TSPAN18: variants seen among roughly 807,000 people sequenced by gnomAD.
TSPAN18 encodes tetraspanin-18.
A neutral mutation model predicts 27.3 loss-of-function variants in TSPAN18; 14 were observed. The ratio of observed to expected loss-of-function variants is 0.51; its 90% CI spans 0.34 to 0.80. The LOEUF is 0.80. TSPAN18 is among the 30% of genes least tolerant of loss of function. The pLI, the probability that TSPAN18 is intolerant of heterozygous loss-of-function variation, is 0.01. For synonymous variants in TSPAN18, 143 were observed against 136.5 expected (o/e 1.05, Z -0.33); for missense variants, 268 against 323.9 (o/e 0.83, Z 1.32).
At chr11:44,732,689 G>A (rs7924623) in intron 1 of TSPAN18, among the ~76,000 whole-genome samples, 8,228 of 152,168 alleles carry the variant, frequency 0.054, 304 homozygotes, top group African/African-American at 0.098. Flanking sequence ...GGGTTAGAGC[G>A]GGGAATGATC....
In TSPAN18 at chr11:44,924,778, G is replaced by T. The variant is rs111799509; in HGVS notation, c.616-1896G>T. Among the ~76,000 whole-genome samples, 819 of 152,218 alleles carry T rather than the reference G, an allele frequency of 5.4e-3. 13 individuals are homozygous for T. Among genetic ancestry groups the T allele is most frequent in the African/African-American group, 0.019 (774 of 41,506 alleles). On this transcript the variant is annotated intron_variant, in intron 8 of 9. Transcript: ENST00000520358. ...GGAGGGGGGAGGGATAGCATTAGGAGATATACCTAATGTAAATGACGAGTT... is the reference window on the plus strand; with the variant it reads ...GGAGGGGGGAGGGATAGCATTAGGATATATACCTAATGTAAATGACGAGTT...
chr11:44,757,375 A>ATTATTTATTTATTTAT (rs35948051), intron 1 of TSPAN18, among the ~76,000 whole-genome samples: 2 of 151,228 alleles, frequency 1.3e-5, no homozygotes, highest in African/African-American at 4.9e-5. Flanking sequence ...CTGAGAAATG[A>ATTATTTATTTATTTAT]TTATTTATTT....
intron 1 of TSPAN18, among the ~76,000 whole-genome samples, chr11:44,761,298 G>T (rs530938343): frequency 6.6e-6 from 1 of 152,108 alleles, no homozygotes; most frequent in South Asian, 2.1e-4. Flanking sequence ...CCCAGGACCC[G>T]TTCCTGCTCT....
chr11:44,815,017 C>T (rs1043920016), intron 2 of TSPAN18, among the ~76,000 whole-genome samples: 2 of 152,232 alleles, frequency 1.3e-5, no homozygotes, highest in African/African-American at 2.4e-5. Flanking sequence ...AAGAGCATTC[C>T]AGGCAGAGGA....
chr11:44,884,333 T>G (rs577136965), intron 3 of TSPAN18, among the ~76,000 whole-genome samples: 100 of 152,310 alleles, frequency 6.6e-4, no homozygotes, highest in South Asian at 2.7e-3. Flanking sequence ...GCACAACCGT[T>G]CCATGTGCCT....
At chr11:44,820,463 G>T (rs1856904033) in intron 2 of TSPAN18, among the ~76,000 whole-genome samples, 1 of 152,206 alleles carries the variant, frequency 6.6e-6, no homozygotes, top group African/African-American at 2.4e-5. Flanking sequence ...AGAGCTTTTT[G>T]CAATAGATGA....
chr11:44,911,546 C>T (rs1383660401), intron 5 of TSPAN18, among the ~76,000 whole-genome samples: 1 of 152,144 alleles, frequency 6.6e-6, no homozygotes, highest in Non-Finnish European at 1.5e-5. Flanking sequence ...TCACGGTGCT[C>T]GCAGAAGTCT....
At chr11:44,868,146 GC>G (rs1421960407) in intron 3 of TSPAN18, among the ~76,000 whole-genome samples, 3 of 152,120 alleles carry the variant, frequency 2.0e-5, no homozygotes, top group African/African-American at 7.2e-5. Context: ...TCATGCAGGA[GC>G]CCTGCCCTGT....
At chr11:44,814,733 A>G (rs1856787420) in intron 2 of TSPAN18, among the ~76,000 whole-genome samples, 2 of 152,212 alleles carry the variant, frequency 1.3e-5, no homozygotes, top group East Asian at 3.9e-4. Context: ...TGTGGCCACT[A>G]CAATAGACCA....
rs996261765 is a variant in TSPAN18 at position 44,899,900 on chromosome 11, A to G, written c.-10-6507A>G. Among the ~76,000 whole-genome samples the G allele has an allele frequency of 9.2e-5, 14 of 152,208 alleles. 1 individual carries two copies. The highest frequency in any genetic ancestry group is 7.2e-4 in the Admixed American group (11 of 15,280). The stretch of plus-strand genomic sequence containing the variant: ...TGATGGGCCTCCCACCACTGGCCCC[A>G]GGGAGGGCATCATGTCCCACAGCAG... On this transcript the variant is annotated intron_variant, in intron 3 of 9. Coordinates refer to ENST00000520358, the MANE Select transcript of TSPAN18 (RefSeq NM_130783.5).
At chr11:44,823,415 C>T (rs1856969786) in intron 2 of TSPAN18, among the ~76,000 whole-genome samples, 1 of 152,222 alleles carries the variant, frequency 6.6e-6, no homozygotes, top group Non-Finnish European at 1.5e-5. Flanking sequence ...GGTGGTTTCT[C>T]TCCTAGTGTG....
chr11:44,919,727 A>G, intron 7 of TSPAN18, 90 bp from the exon 8 acceptor site: 1 of 1,314,400 alleles, frequency 7.6e-7, no homozygotes, highest in South Asian at 1.2e-5. Context: ...TTCTGATGCC[A>G]CTCCTTTGCA....
At chr11:44,814,298 T>G (rs1012445348) in intron 2 of TSPAN18, among the ~76,000 whole-genome samples, 1 of 152,208 alleles carries the variant, frequency 6.6e-6, no homozygotes, top group East Asian at 1.9e-4. Context: ...GAAAGAATAT[T>G]TGCCCCTCTT....
intron 2 of TSPAN18, among the ~76,000 whole-genome samples, chr11:44,795,379 G>A (rs1856325424): frequency 6.6e-6 from 1 of 152,108 alleles, no homozygotes; most frequent in Non-Finnish European, 1.5e-5. Context: ...TCAGATCCAA[G>A]GTCCCACTGC....
At chr11:44,795,406 A>C (rs1856326089) in intron 2 of TSPAN18, among the ~76,000 whole-genome samples, 1 of 152,140 alleles carries the variant, frequency 6.6e-6, no homozygotes, top group Non-Finnish European at 1.5e-5. Context: ...CAGTCATGGT[A>C]AGCCAGATGA....
intron 2 of TSPAN18, among the ~76,000 whole-genome samples, chr11:44,774,479 C>T (rs1410966583): frequency 6.6e-6 from 1 of 152,212 alleles, no homozygotes; most frequent in Non-Finnish European, 1.5e-5. Context: ...CTCCTGACCT[C>T]AAAACCTCTC....
chr11:44,820,025 C>T (rs1030813359), intron 2 of TSPAN18, among the ~76,000 whole-genome samples: 3 of 152,144 alleles, frequency 2.0e-5, no homozygotes, highest in Non-Finnish European at 4.4e-5. Flanking sequence ...GGGTTGCTGT[C>T]AAGGTCTAGT....
intron 8 of TSPAN18, among the ~76,000 whole-genome samples, chr11:44,924,897 A>T (rs114788559): frequency 0.014 from 2,156 of 152,298 alleles, 48 homozygotes; most frequent in African/African-American, 0.049. Flanking sequence ...TATAATTTTT[A>T]AAAAACTCGC....
intron 5 of TSPAN18, among the ~76,000 whole-genome samples, chr11:44,916,533 C>A (rs1021480568): frequency 6.6e-6 from 1 of 152,172 alleles, no homozygotes; most frequent in African/African-American, 2.4e-5. Flanking sequence ...GAAATGCTTT[C>A]ACATGCCTCG....
Sources: gnomAD v4.1 joint callset for allele counts (sites outside exome capture counted in the v4.1 genomes callset) on GRCh38, gnomAD v4.1.1 for gene constraint, MANE v1.5 for transcripts, NCBI Gene and HGNC (gene_info 2026-07-23, HGNC 2026-07-21) for gene names.